FGF14: variants seen among roughly 807,000 people sequenced by gnomAD.
FGF14 encodes the protein fibroblast growth factor homologous factor 4.
Under a neutral mutation model 25.5 loss-of-function variants are expected in FGF14, and 5 were observed. That is an observed-to-expected ratio of 0.20 (90% CI 0.10 to 0.41). The LOEUF (loss-of-function observed/expected upper bound fraction) is 0.41, where lower values mean the gene tolerates loss of function less well. Among genes scored for constraint, FGF14 ranks in the 10% least tolerant of loss-of-function variants. FGF14 has a pLI of 1.00. For missense variants in FGF14, 222 were observed against 320.1 expected (o/e 0.69, Z 2.34); for synonymous variants, 138 against 118.3 (o/e 1.17, Z -1.08).
intron 1 of FGF14, among the ~76,000 whole-genome samples, chr13:102,371,830 T>A (rs374843156): frequency 6.6e-6 from 1 of 152,178 alleles, no homozygotes; most frequent in Non-Finnish European, 1.5e-5. Context: ...GTAAAATATA[T>A]GTAAATAAAA....
intron 1 of FGF14, among the ~76,000 whole-genome samples, chr13:101,939,009 T>A (rs1042718871): frequency 2.0e-5 from 3 of 152,130 alleles, no homozygotes; most frequent in African/African-American, 7.2e-5. Context: ...ACATTGTACA[T>A]CATGCAGCAC....
chr13:102,061,984 G>A (rs2140108829), intron 1 of FGF14, among the ~76,000 whole-genome samples: 1 of 152,232 alleles, frequency 6.6e-6, no homozygotes, highest in South Asian at 2.1e-4. Context: ...AGGCCTAGAT[G>A]AGCCTAGTCA....
chr13:102,132,035 T>G (rs1244310159), intron 1 of FGF14, among the ~76,000 whole-genome samples: 7 of 150,106 alleles, frequency 4.7e-5, no homozygotes, highest in Non-Finnish European at 7.4e-5. Flanking sequence ...TTTGTTTTGG[T>G]TTTTTTTGCC....
At chr13:101,760,880 T>C (rs1247356765) in intron 3 of FGF14, among the ~76,000 whole-genome samples, 1 of 152,210 alleles carries the variant, frequency 6.6e-6, no homozygotes, top group Non-Finnish European at 1.5e-5. Flanking sequence ...AATGAGCATT[T>C]GTCTAATAAA....
intron 1 of FGF14, among the ~76,000 whole-genome samples, chr13:102,256,951 C>A (rs1010466439): frequency 1.3e-5 from 2 of 152,134 alleles, no homozygotes; most frequent in African/African-American, 4.8e-5. Context: ...AATGAAATAA[C>A]ATCCATTTTC....
intron 1 of FGF14, among the ~76,000 whole-genome samples, chr13:102,252,160 C>A (rs747313850): frequency 6.6e-6 from 1 of 152,126 alleles, no homozygotes; most frequent in African/African-American, 2.4e-5. Context: ...GAGCCACTTG[C>A]GAAATGTAGG....
chr13:101,904,237 C>T (rs2031950194), intron 1 of FGF14, among the ~76,000 whole-genome samples: 2 of 152,160 alleles, frequency 1.3e-5, no homozygotes. Flanking sequence ...CAGCACCGAC[C>T]ACACCATGAA....
chr13:102,225,169 C>A (rs566072160), intron 1 of FGF14, among the ~76,000 whole-genome samples: 3 of 152,058 alleles, frequency 2.0e-5, no homozygotes, highest in Non-Finnish European at 4.4e-5. Flanking sequence ...CTGAAACCTG[C>A]TTCCTTCTTT....
At chr13:102,123,190 G>C (rs1031136044) in intron 1 of FGF14, among the ~76,000 whole-genome samples, 2 of 152,008 alleles carry the variant, frequency 1.3e-5, no homozygotes, top group Non-Finnish European at 2.9e-5. Context: ...AAAGATTAAA[G>C]AACTTGGAGG....
intron 1 of FGF14, among the ~76,000 whole-genome samples, chr13:102,162,522 A>G (rs998190726): frequency 3.9e-5 from 6 of 152,210 alleles, no homozygotes; most frequent in South Asian, 2.1e-4. Context: ...TGCATCATTA[A>G]AAGTATCACA....
chr13:102,088,950 T>C (rs932928015), intron 1 of FGF14, among the ~76,000 whole-genome samples: 1 of 152,120 alleles, frequency 6.6e-6, no homozygotes, highest in Non-Finnish European at 1.5e-5. Flanking sequence ...TAACCAGAAT[T>C]TGGAGCCAAG....
At chr13:102,104,105 G>C (rs140489929) in intron 1 of FGF14, among the ~76,000 whole-genome samples, 2 of 152,152 alleles carry the variant, frequency 1.3e-5, no homozygotes, top group African/African-American at 4.8e-5. Context: ...CAGTAACCCC[G>C]AGGACTAAGG....
chr13:101,963,673 CTTGT>C (rs1472035446), intron 1 of FGF14, among the ~76,000 whole-genome samples: 1 of 152,210 alleles, frequency 6.6e-6, no homozygotes. Flanking sequence ...TATGGATAAA[CTTGT>C]TAGTAGCCAT....
At chr13:102,180,586 A>G (rs1192061137) in intron 1 of FGF14, among the ~76,000 whole-genome samples, 2 of 152,184 alleles carry the variant, frequency 1.3e-5, no homozygotes, top group Non-Finnish European at 2.9e-5. Flanking sequence ...TGCCTGGATT[A>G]CAGGCGTGAG....
intron 1 of FGF14, among the ~76,000 whole-genome samples, chr13:101,985,912 A>G (rs547263426): frequency 6.6e-6 from 1 of 152,198 alleles, no homozygotes; most frequent in East Asian, 1.9e-4. Context: ...TACCCCTCCT[A>G]CCAAATCTGC....
In FGF14 at chr13:101,713,254, A is replaced by T. The variant is rs1422592938; in HGVS notation, c.*9577T>A. The T allele has an allele frequency of 2.0e-5, 3 of 151,858 alleles. No individual in the cohort carries two copies. The highest frequency in any genetic ancestry group is 7.3e-5 in the African/African-American group (3 of 41,320). The allele number at this position is 151,858 out of a possible 1,614,324, so 9.4% of individuals were successfully genotyped here. A position where few individuals can be genotyped will look rare whatever the true frequency, so the allele number is the denominator to read the frequency against. ...TTTCATGATATCTGTGATGACCACA[A>T]CTCCTTTTTCCTGATCACTTTAATC... On this transcript the variant is annotated 3_prime_UTR_variant, in exon 5 of 5. Coordinates refer to ENST00000376143, the MANE Select transcript of FGF14 (RefSeq NM_004115.4).
intron 1 of FGF14, among the ~76,000 whole-genome samples, chr13:101,973,869 T>A (rs915688441): frequency 3.3e-5 from 5 of 152,224 alleles, no homozygotes; most frequent in Admixed American, 1.3e-4. Context: ...GTATTAACCA[T>A]CACAATGAAG....
At chr13:101,855,651 A>AT (rs2044087964) in intron 3 of FGF14, among the ~76,000 whole-genome samples, 1 of 151,956 alleles carries the variant, frequency 6.6e-6, no homozygotes, top group Admixed American at 6.6e-5. Context: ...ATTGCATCAT[A>AT]TTTTGGACCT....
At chr13:101,989,726 T>C (rs1237998119) in intron 1 of FGF14, among the ~76,000 whole-genome samples, 1 of 152,152 alleles carries the variant, frequency 6.6e-6, no homozygotes, top group Non-Finnish European at 1.5e-5. Flanking sequence ...TTAAACTACT[T>C]GGCAAAGAGG....
Sources: allele counts gnomAD v4.1 joint callset (sites outside exome capture counted in the v4.1 genomes callset), GRCh38; gene constraint gnomAD v4.1.1; transcripts MANE v1.5; gene names NCBI Gene and HGNC (gene_info 2026-07-23, HGNC 2026-07-21).